The following RUVBL2 variants were observed in gnomAD, a reference collection of about 807,000 sequenced individuals.
The protein encoded by RUVBL2 is RuvB like AAA ATPase 2.
A neutral mutation model predicts 57.9 loss-of-function variants in RUVBL2; 9 were observed. The ratio of observed to expected loss-of-function variants is 0.16; its 90% confidence interval spans 0.09 to 0.27. RUVBL2 has a LOEUF of 0.27. RUVBL2 is among the 10% of genes least tolerant of loss of function. RUVBL2 has a pLI of 1.00. For synonymous variants in RUVBL2, 278 were observed against 264.6 expected (o/e 1.05, Z -0.49); for missense variants, 456 against 669.6 (o/e 0.68, Z 3.52).
chr19:49,012,023 C>G (rs1289202555), intron 11 of RUVBL2, among the ~76,000 whole-genome samples: 1 of 152,156 alleles, frequency 6.6e-6, no homozygotes, highest in Non-Finnish European at 1.5e-5. Context: ...CCGCAGGAAG[C>G]AGGGGGATGT....
At chr19:48,994,274 C>A in intron 1 of RUVBL2, 1 of 316,342 alleles carries the variant, frequency 3.2e-6, no homozygotes, top group Admixed American at 4.4e-5. Flanking sequence ...GCGCTTCGAG[C>A]CATTTGGGAG....
At position 49,004,073 on chromosome 19, in the gene RUVBL2, A is replaced by T. The variant is rs546499254; in HGVS notation, c.124-204A>T. The T allele has an allele frequency of 4.8e-5, 30 of 624,140 alleles. No homozygotes were observed. In the South Asian group the frequency reaches 5.9e-4, roughly 12 times the overall value. 38.7% of individuals were successfully genotyped at this position (624,140 alleles called of 1,614,324 possible). A position where few individuals can be genotyped will look rare whatever the true frequency, so the allele number is the denominator to read the frequency against. On this transcript the variant is annotated intron_variant, in intron 3 of 14. Transcript: ENST00000595090. ...CAAGGCTACAGTGAGCCATGATTGT[A>T]CCACTGTACTTCAGCCTGGGTGACA...
intron 2 of RUVBL2, 53 bp from the exon 3 acceptor site, chr19:49,003,226 C>T (rs1340850961): frequency 1.6e-5 from 25 of 1,559,458 alleles, no homozygotes; most frequent in Non-Finnish European, 2.0e-5. Flanking sequence ...GGTCAGGCCA[C>T]ATGTGCAGCA....
At chr19:48,996,264 A>G (rs1485947554) in intron 1 of RUVBL2, among the ~76,000 whole-genome samples, 1 of 152,120 alleles carries the variant, frequency 6.6e-6, no homozygotes, top group Non-Finnish European at 1.5e-5. Flanking sequence ...GAACTATTCC[A>G]AAGTGTCAGA....
chr19:49,002,694 C>T (rs1391844194), intron 2 of RUVBL2, among the ~76,000 whole-genome samples: 2 of 152,194 alleles, frequency 1.3e-5, no homozygotes, highest in East Asian at 1.9e-4. Context: ...AAGCAATTCT[C>T]CTGCCTCAGC....
intron 8 of RUVBL2, 71 bp downstream of exon 8, chr19:49,010,137 TG>T (rs766251332): frequency 3.7e-6 from 5 of 1,348,334 alleles, no homozygotes; most frequent in Non-Finnish European, 5.2e-6. Flanking sequence ...ATCACCCCCT[TG>T]ACCCATGGGG....
chr19:49,014,472 C>T lies in RUVBL2; in HGVS notation c.1002-12C>T. On this transcript the variant is annotated splice_polypyrimidine_tract_variant and intron_variant, in intron 11 of 14. Transcript: ENST00000595090. ...TGCCCCTGACAGCCCCCTCTTTCTG[C>T]CTCTTCCTCAGAATCCGGGGCACCA... The T allele has an allele frequency of 2.5e-6, 4 of 1,612,638 alleles. No homozygotes were observed. Among genetic ancestry groups the T allele is most frequent in the Non-Finnish European group, 3.4e-6 (4 of 1,179,134 alleles).
chr19:49,010,467 T>TGG, intron 8 of RUVBL2, 21 bp from the exon 9 acceptor site: 282 of 1,400,560 alleles, frequency 2.0e-4, no homozygotes, highest in Non-Finnish European at 2.6e-4. Context: ...CCGCCGTTCT[T>TGG]CCCCCACCCC....
chr19:49,008,809 C>A (rs10407758), intron 6 of RUVBL2, among the ~76,000 whole-genome samples: 66,991 of 151,200 alleles, frequency 0.44, 15,068 homozygotes, highest in Middle Eastern at 0.5. Context: ...GAAACCCTGT[C>A]TCTACTAAAA....
At chr19:49,009,409 C>T (rs143562805) in intron 6 of RUVBL2, among the ~76,000 whole-genome samples, 14,138 of 151,544 alleles carry the variant, frequency 0.093, 712 homozygotes, top group African/African-American at 0.12. Context: ...ATGGCGTGAA[C>T]CCGGGAGGCA....
chr19:49,000,019 G>T (rs1410284966), intron 2 of RUVBL2, among the ~76,000 whole-genome samples: 1 of 152,170 alleles, frequency 6.6e-6, no homozygotes, highest in Non-Finnish European at 1.5e-5. Flanking sequence ...CAGGGCATCC[G>T]AGAAAGGCAG....
chr19:49,001,541 C>A (rs1367058106), intron 2 of RUVBL2: 2 of 150,398 alleles, frequency 1.3e-5, no homozygotes, highest in East Asian at 3.9e-4. Flanking sequence ...CCAGTAGAGA[C>A]TAGCTGCACC....
At chr19:49,007,456 AAT>A in intron 6 of RUVBL2, 88 bp downstream of exon 6, 1 of 1,186,854 alleles carries the variant, frequency 8.4e-7, no homozygotes, top group Non-Finnish European at 1.2e-6. Context: ...CTGAGGTCAG[AAT>A]CCCATGGAAT....
rs779764400 is a variant in RUVBL2, at chr19:49,011,155, A to G, written c.883-37A>G. ...GTGGAGGTGGGCCGGGGAAGTGGGG[A>G]CGCGGGTGGTGACTCTCACACACAC... On this transcript the variant is annotated intron_variant, in intron 10 of 14. Coordinates refer to ENST00000595090, the MANE Select transcript of RUVBL2 (RefSeq NM_006666.3). This position sits in a 1 kb window ranked among gnomAD's most constrained non-coding sequence, Gnocchi z 4.4. 6.2e-7 allele frequency: 1 copy of G among 1,610,314 alleles called. No homozygotes were observed. The highest frequency in any genetic ancestry group is 8.5e-7 in the Non-Finnish European group (1 of 1,177,642).
chr19:49,015,231 T>C, intron 13 of RUVBL2, 81 bp downstream of exon 13: 1 of 1,538,756 alleles, frequency 6.5e-7, no homozygotes, highest in Admixed American at 1.7e-5. Context: ...GGGTTCCGAT[T>C]TCATCCTAGA....
chr19:48,996,502 C>CTCTG (rs769118447), intron 1 of RUVBL2, among the ~76,000 whole-genome samples: 1 of 138,148 alleles, frequency 7.2e-6, no homozygotes, highest in Admixed American at 7.2e-5. Flanking sequence ...ATTTTTGTAT[C>CTCTG]TGTGTGTGTG....
rs1051818427 is a variant in RUVBL2, at chr19:49,014,749, C to T, written c.1121+146C>T. The T allele has an allele frequency of 4.0e-5, 48 of 1,213,798 alleles. 1 individual carries two copies. The highest frequency in any genetic ancestry group is 2.8e-4 in the Middle Eastern group (1 of 3,580). 75.2% of individuals were successfully genotyped at this position (1,213,798 alleles called of 1,614,324 possible). A position where few individuals can be genotyped will look rare whatever the true frequency, so the allele number is the denominator to read the frequency against. On this transcript the variant is annotated intron_variant, in intron 12 of 14. Transcript: ENST00000595090. ...GAGCGGGCACCCAGACGGTGGCCTCCGATCCGGGAGCAGGAGCCACGGTGG... is the reference window on the plus strand; with the variant it reads ...GAGCGGGCACCCAGACGGTGGCCTCTGATCCGGGAGCAGGAGCCACGGTGG...
chr19:49,008,253 T>C (rs969963666), intron 6 of RUVBL2, among the ~76,000 whole-genome samples: 5 of 149,732 alleles, frequency 3.3e-5, no homozygotes, highest in Admixed American at 6.6e-5. Context: ...TTATAATTTT[T>C]TTTTTGAGAT....
chr19:49,003,637 A>T (rs2039226031), intron 3 of RUVBL2, among the ~76,000 whole-genome samples: 1 of 152,024 alleles, frequency 6.6e-6, no homozygotes, highest in South Asian at 2.1e-4. Flanking sequence ...TACAAAAATT[A>T]GCCGGGCATG....
Sources: allele counts gnomAD v4.1 joint callset (sites outside exome capture counted in the v4.1 genomes callset), GRCh38; gene constraint gnomAD v4.1.1; non-coding constraint Gnocchi (gnomAD v3.1); transcripts MANE v1.5; gene names NCBI Gene and HGNC (gene_info 2026-07-23, HGNC 2026-07-21).